The following CORO1B variants were observed in gnomAD, a reference collection of about 807,000 sequenced individuals.
CORO1B encodes coronin-1B.
CORO1B carries 30 observed loss-of-function variants against 51.1 expected under a neutral mutation model. That is an observed-to-expected ratio of 0.59 (90% CI 0.44 to 0.80). CORO1B has a LOEUF of 0.80. Among genes scored for constraint, CORO1B ranks in the 30% least tolerant of loss-of-function variants. CORO1B has a pLI of 0.00. For missense variants in CORO1B, 648 were observed against 700.4 expected, an observed-to-expected ratio of 0.93 and a Z score of 0.84; for synonymous variants, 310 against 289.7, an observed-to-expected ratio of 1.07 and a Z score of -0.71.
Position 67,435,896 on chromosome 11 carries a change from CTG to C in CORO1B, c.*2478_*2479del. The C allele has an allele frequency of 6.2e-7, 1 of 1,612,364 alleles. No individual in the cohort carries two copies. Among genetic ancestry groups the C allele is most frequent in the Non-Finnish European group, 8.5e-7 (1 of 1,179,572 alleles). On this transcript the variant is annotated 3_prime_UTR_variant, in exon 11 of 11. Transcript: ENST00000341356. ...GAGGACCAGGTCGCCCTCCGTGTCACTGTCTCTGGCTTCCTCAGCCCGCACGG... is the reference window on the plus strand; with the variant it reads ...GAGGACCAGGTCGCCCTCCGTGTCACTCTCTGGCTTCCTCAGCCCGCACGG...
At position 67,435,542 on chromosome 11, in the gene CORO1B, G is replaced by T; in HGVS notation, c.*2834C>A. ...TGAAGGAGTTTTATTTCAAATGGTT[G>T]CCTGATGCCTGTGGTTGGGGGGGGC... On this transcript the variant is annotated 3_prime_UTR_variant, in exon 11 of 11. Transcript: ENST00000341356. 1.2e-6 allele frequency: 1 copy of T among 802,418 alleles called. No homozygotes were observed. The highest frequency in any genetic ancestry group is 1.9e-6 in the Non-Finnish European group (1 of 537,816). The allele number at this position is 802,418 out of a possible 1,614,324, so 49.7% of individuals were successfully genotyped here. A position where few individuals can be genotyped will look rare whatever the true frequency, so the allele number is the denominator to read the frequency against.
chr11:67,439,303 G>A (rs1864351269), intron 9 of CORO1B, among the ~76,000 whole-genome samples: 1 of 152,172 alleles, frequency 6.6e-6, no homozygotes, highest in Non-Finnish European at 1.5e-5. Context: ...GGCAAATGCT[G>A]GCCAGAGAAT....
At chr11:67,442,346 G>A (rs1163230517) in intron 2 of CORO1B, 82 bp downstream of exon 2, 1 of 1,438,510 alleles carries the variant, frequency 7.0e-7, no homozygotes, top group African/African-American at 1.4e-5. Context: ...GAAACGGCAA[G>A]ATGAGGGATT....
rs749828019 is a variant in CORO1B at position 67,437,572 on chromosome 11, G to A, written c.*804C>T. ...AGGCCCAGACATTCTAGCCCCGACC[G>A]CCTGTGGCCCCCATCCCAAGAACCC... is the stretch of plus-strand genomic sequence containing the variant. On this transcript the variant is annotated 3_prime_UTR_variant, in exon 11 of 11. Coordinates refer to ENST00000341356, the MANE Select transcript of CORO1B (RefSeq NM_020441.3). The A allele has an allele frequency of 5.2e-6, 7 of 1,338,754 alleles. No homozygotes were observed. Among genetic ancestry groups the A allele is most frequent in the East Asian group, 2.8e-5 (1 of 35,898 alleles). 82.9% of individuals were successfully genotyped at this position (1,338,754 alleles called of 1,614,324 possible). A position where few individuals can be genotyped will look rare whatever the true frequency, so the allele number is the denominator to read the frequency against.
In CORO1B at chr11:67,436,516, CTG is replaced by C. The variant is rs2135135417; in HGVS notation, c.*1858_*1859del. On this transcript the variant is annotated 3_prime_UTR_variant, in exon 11 of 11. Transcript: ENST00000341356. Reference sequence around the variant, plus strand: ...TTATTTGGTCAACCAGGCTCTGGCCCTGTGAGATCAGCCCCCATCCCTCCAGC... The same window carrying C: ...TTATTTGGTCAACCAGGCTCTGGCCCTGAGATCAGCCCCCATCCCTCCAGC... The C allele has an allele frequency of 1.3e-6, 1 of 771,360 alleles. No individual in the cohort carries two copies. Among genetic ancestry groups the C allele is most frequent in the South Asian group, 2.4e-5 (1 of 41,282 alleles). 47.8% of individuals were successfully genotyped at this position (771,360 alleles called of 1,614,324 possible).
In CORO1B at chr11:67,435,796, G is replaced by A. The variant is rs774377339; in HGVS notation, c.*2580C>T. The A allele has an allele frequency of 5.0e-6, 8 of 1,592,086 alleles. No individual in the cohort carries two copies. Among genetic ancestry groups the A allele is most frequent in the Middle Eastern group, 3.4e-4 (2 of 5,942 alleles). ...CCCTGGCGCTGTCATCCCAGGCTGC[G>A]CTGCCAGCAAAGGCGTGCAGGTCAC... On this transcript the variant is annotated 3_prime_UTR_variant, in exon 11 of 11. Coordinates refer to ENST00000341356, the MANE Select transcript of CORO1B (RefSeq NM_020441.3).
At position 67,437,242 on chromosome 11, in the gene CORO1B, A is replaced by C; in HGVS notation, c.*1134T>G. Reference sequence around the variant, plus strand: ...GGAGGCGGGCGCAGCTGCCAGAGGAAGTCTGCGGTCGGAACAGGCTAGGTG... The same window carrying C: ...GGAGGCGGGCGCAGCTGCCAGAGGACGTCTGCGGTCGGAACAGGCTAGGTG... On this transcript the variant is annotated 3_prime_UTR_variant, in exon 11 of 11. Transcript: ENST00000341356. The C allele has an allele frequency of 2.5e-5, 5 of 199,012 alleles. No homozygotes were observed. The highest frequency in any genetic ancestry group is 1.1e-4 in the East Asian group (1 of 9,088). The allele number at this position is 199,012 out of a possible 1,614,324, so 12.3% of individuals were successfully genotyped here.
chr11:67,436,767 A>C lies in CORO1B; in HGVS notation c.*1609T>G. On this transcript the variant is annotated 3_prime_UTR_variant, in exon 11 of 11. Transcript: ENST00000341356. ...ACTGCAGCCCACCCCAGCACCCCCC[A>C]GCACTCAGTGCCTTTTTCCTTCCAT... 5.5e-6 allele frequency: 1 copy of C among 182,522 alleles called. No homozygotes were observed. Among genetic ancestry groups the C allele is most frequent in the Non-Finnish European group, 1.1e-5 (1 of 88,522 alleles). 11.3% of individuals were successfully genotyped at this position (182,522 alleles called of 1,614,324 possible). A position where few individuals can be genotyped will look rare whatever the true frequency, so the allele number is the denominator to read the frequency against.
chr11:67,442,446 C>A lies in CORO1B; in HGVS notation c.183G>T (p.Leu61=). 6.2e-7 allele frequency: 1 copy of A among 1,613,256 alleles called. No individual in the cohort carries two copies. Among genetic ancestry groups the A allele is most frequent in the Non-Finnish European group, 8.5e-7 (1 of 1,180,004 alleles). ...GACCCACCTTGCTTAGGGGGAGCAC[C>A]AGAAAGGCACCCCCTCCACTGGCCT... ...IVEASGGGAF[L]VLPLSKTGRI... Residue 61 remains leucine (L), a synonymous_variant, in exon 2 of 11, where the codon CTG becomes CTT. Transcript: ENST00000341356.
In CORO1B at chr11:67,436,659, C is replaced by T. The variant is rs954558885; in HGVS notation, c.*1717G>A. 3 of 317,256 alleles carry T rather than the reference C, an allele frequency of 9.5e-6. No individual in the cohort carries two copies. Among genetic ancestry groups the T allele is most frequent in the Middle Eastern group, 8.4e-4 (1 of 1,196 alleles). 19.7% of individuals were successfully genotyped at this position (317,256 alleles called of 1,614,324 possible). On this transcript the variant is annotated 3_prime_UTR_variant, in exon 11 of 11. Transcript: ENST00000341356. ...CACCTCCTCCCATCCTCCCCTCCCC[C>T]GGGCTGCATGGCCTGCTCACCGTGC...
intron 1 of CORO1B, among the ~76,000 whole-genome samples, 179 bp from the exon 2 acceptor site, chr11:67,442,809 C>T (rs1228747846): frequency 6.6e-6 from 1 of 152,178 alleles, no homozygotes; most frequent in Admixed American, 6.5e-5. Flanking sequence ...CGCCTGTCAC[C>T]CCGCAGGCAG....
At position 67,441,447 on chromosome 11, in the gene CORO1B, C is replaced by T. The variant is rs754351443; in HGVS notation, c.522G>A (p.Leu174=). Residue 174 remains leucine (L), a synonymous_variant, in exon 5 of 11, where the codon CTG becomes CTA. Transcript: ENST00000341356. Reference sequence around the variant, plus strand: ...TGACATTGTAGATGAGGTCAGGGTGCAGGCTGTCCAGGCGGTACAGCTCCT... The same window carrying T: ...TGACATTGTAGATGAGGTCAGGGTGTAGGCTGTCCAGGCGGTACAGCTCCT... ...TAEELYRLDS[L]HPDLIYNVSW... 1.2e-6 allele frequency: 2 copies of T among 1,613,900 alleles called. No homozygotes were observed. The highest frequency in any genetic ancestry group is 1.1e-5 in the South Asian group (1 of 91,084).
Position 67,440,156 on chromosome 11 carries a change from G to C in CORO1B, c.969C>G (p.Pro323=). The change falls in exon 8 of 11, where the codon CCC becomes CCG. Residue 323 remains proline (P), a synonymous_variant. Coordinates refer to ENST00000341356, the MANE Select transcript of CORO1B (RefSeq NM_020441.3). The stretch of plus-strand genomic sequence containing the variant: ...ACTTGCTGACCTCCAGGCCCCGCTT[G>C]GGCATGCTGCCCATACCCCGCTGCG... ...KEPQRGMGSM[P]KRGLEVSKCE... 4 of 1,613,582 alleles carry C rather than the reference G, an allele frequency of 2.5e-6. No homozygotes were observed. The highest frequency in any genetic ancestry group is 3.4e-6 in the Non-Finnish European group (4 of 1,179,886).
intron 10 of CORO1B, 80 bp from the exon 11 acceptor site, chr11:67,438,581 C>T: frequency 6.5e-7 from 1 of 1,548,100 alleles, no homozygotes; most frequent in Admixed American, 1.8e-5. Context: ...ACCACTACCC[C>T]AGAGAGGGAC....
chr11:67,442,378 G>A, intron 2 of CORO1B, 50 bp downstream of exon 2: 1 of 1,579,714 alleles, frequency 6.3e-7, no homozygotes, highest in South Asian at 1.1e-5. Flanking sequence ...GAAAGGCCCA[G>A]TAGGGGTGGC....
chr11:67,435,757 C>A lies in CORO1B; in HGVS notation c.*2619G>T. 6.4e-7 allele frequency: 1 copy of A among 1,552,704 alleles called. No individual in the cohort carries two copies. On this transcript the variant is annotated 3_prime_UTR_variant, in exon 11 of 11. Coordinates refer to ENST00000341356, the MANE Select transcript of CORO1B (RefSeq NM_020441.3). ...TCTACAGTGCGGTGACATGGAGGCCCTGGCCCCCAGCTGCCCTGGCGCTGT... is the reference window on the plus strand; with the variant it reads ...TCTACAGTGCGGTGACATGGAGGCCATGGCCCCCAGCTGCCCTGGCGCTGT...
chr11:67,441,029 A>G (rs772706207), intron 6 of CORO1B, 96 bp downstream of exon 6: 2 of 1,571,188 alleles, frequency 1.3e-6, no homozygotes, highest in East Asian at 2.2e-5. Flanking sequence ...CAGGCAGAGA[A>G]GCTAGGAACC....
intron 9 of CORO1B, 43 bp downstream of exon 9, chr11:67,439,743 G>A: frequency 6.5e-7 from 1 of 1,550,258 alleles, no homozygotes; most frequent in Non-Finnish European, 8.8e-7. Flanking sequence ...TGGCCCGCTT[G>A]CTGGAGAAAG....
chr11:67,441,716 C>T lies in CORO1B; in HGVS notation c.454+17G>A, dbSNP rs760353770. ...GTCCGTGGGGGGGGGGAGCACAAAA[C>T]GGGGGGCGGTGCAGACCTGCACTGA... On this transcript the variant is annotated intron_variant, in intron 4 of 10. Transcript: ENST00000341356. 11 of 1,538,942 alleles carry T rather than the reference C, an allele frequency of 7.1e-6. No homozygotes were observed. Among genetic ancestry groups the T allele is most frequent in the Admixed American group, 5.6e-5 (3 of 53,324 alleles).
Sources: gnomAD v4.1 joint callset for allele counts (sites outside exome capture counted in the v4.1 genomes callset) on GRCh38, gnomAD v4.1.1 for gene constraint, MANE v1.5 for transcripts, NCBI Gene and HGNC (gene_info 2026-07-23, HGNC 2026-07-21) for gene names.